ATP2C1: variants seen among roughly 807,000 people sequenced by gnomAD.
ATP2C1 encodes ATPase secretory pathway Ca2+ transporting 1.
Under a neutral mutation model 120.5 loss-of-function variants are expected in ATP2C1, and 31 were observed. That is an observed-to-expected ratio of 0.26 (90% confidence interval 0.19 to 0.35). The LOEUF is 0.35. Ranked by LOEUF, ATP2C1 falls within the 10% of genes least tolerant of loss-of-function variation. ATP2C1 has a pLI of 1.00. For missense variants in ATP2C1, 731 were observed against 1,107.5 expected (o/e 0.66, Z 4.83); for synonymous variants, 351 against 358.7 (o/e 0.98, Z 0.24).
intron 8 of ATP2C1, among the ~76,000 whole-genome samples, chr3:130,945,037 C>G (rs1221956917): frequency 1.3e-5 from 2 of 151,922 alleles, no homozygotes; most frequent in East Asian, 1.9e-4. Context: ...ATTATACTTT[C>G]TTTGAATATT....
At chr3:131,012,456 C>T (rs558846862) in intron 26 of ATP2C1, among the ~76,000 whole-genome samples, 123 of 151,988 alleles carry the variant, frequency 8.1e-4, no homozygotes, top group Non-Finnish European at 1.4e-3. Context: ...CGGGGTTTCA[C>T]CATGTCGGCC....
intron 1 of ATP2C1, among the ~76,000 whole-genome samples, chr3:130,882,283 C>T (rs1017776316): frequency 1.3e-5 from 2 of 151,910 alleles, no homozygotes; most frequent in Non-Finnish European, 2.9e-5. Context: ...CTACAACCTC[C>T]ACCTCCTGGG....
upstream of ATP2C1, among the ~76,000 whole-genome samples, chr3:130,892,370 T>A (rs1444546607): frequency 6.6e-6 from 1 of 152,254 alleles, no homozygotes; most frequent in Admixed American, 6.5e-5. Flanking sequence ...TTACGAGAGA[T>A]CACAATCATT....
chr3:131,016,667 A>T (rs2063644570), exon 27 of ATP2C1: 1 of 349,250 alleles, frequency 2.9e-6, no homozygotes, highest in South Asian at 2.7e-5. Flanking sequence ...GAAAAATACA[A>T]ATGACTATTA....
chr3:130,967,515 TG>T, intron 16 of ATP2C1, 96 bp downstream of exon 16: 1 of 1,048,216 alleles, frequency 9.5e-7, no homozygotes, highest in Non-Finnish European at 1.5e-6. Context: ...TTTTAGGTAT[TG>T]AGTGAAAAAA....
chr3:130,963,770 AT>A, intron 12 of ATP2C1, 200 bp from the exon 13 acceptor site: 1 of 572,916 alleles, frequency 1.7e-6, no homozygotes, highest in Non-Finnish European at 3.0e-6. Context: ...CAGAACCTAC[AT>A]TTTTTAACCA....
At chr3:130,973,487 A>G (rs1377045797) in intron 17 of ATP2C1, among the ~76,000 whole-genome samples, 1 of 152,088 alleles carries the variant, frequency 6.6e-6, no homozygotes, top group Non-Finnish European at 1.5e-5. Flanking sequence ...ATTGAACCTT[A>G]TATATACCGT....
chr3:130,859,652 T>C (rs2067954082), intron 1 of ATP2C1, among the ~76,000 whole-genome samples: 1 of 152,216 alleles, frequency 6.6e-6, no homozygotes, highest in Admixed American at 6.5e-5. Context: ...CCATCCTTCT[T>C]GTCCACAGCA....
chr3:131,010,861 C>T (rs546391189), intron 26 of ATP2C1, among the ~76,000 whole-genome samples: 37 of 152,234 alleles, frequency 2.4e-4, no homozygotes, highest in Non-Finnish European at 5.1e-4. Flanking sequence ...CTGCTTAACA[C>T]TCACTCACTT....
At chr3:130,937,733 A>C (rs960454853) in intron 6 of ATP2C1, among the ~76,000 whole-genome samples, 4 of 152,240 alleles carry the variant, frequency 2.6e-5, no homozygotes, top group African/African-American at 9.6e-5. Context: ...TGGAAACAAA[A>C]AGCATAGTAA....
At chr3:130,895,808 T>C (rs950935844) in intron 2 of ATP2C1, among the ~76,000 whole-genome samples, 3 of 152,232 alleles carry the variant, frequency 2.0e-5, no homozygotes, top group Non-Finnish European at 4.4e-5. Context: ...TGTGTTTTGC[T>C]CTCTGAGACC....
At chr3:130,853,308 G>A (rs564268468) in intron 1 of ATP2C1, among the ~76,000 whole-genome samples, 1 of 152,270 alleles carries the variant, frequency 6.6e-6, no homozygotes, top group African/African-American at 2.4e-5. Flanking sequence ...AGCATCCTAG[G>A]AGCCAACTGA....
At chr3:130,992,836 G>A in intron 20 of ATP2C1, 115 bp from the exon 21 acceptor site, 3 of 809,002 alleles carry the variant, frequency 3.7e-6, no homozygotes, top group Admixed American at 1.9e-5. Flanking sequence ...TGATCTCAGT[G>A]GCAAATTAAA....
At chr3:130,948,876 C>A (rs1437869545) in intron 8 of ATP2C1, among the ~76,000 whole-genome samples, 1 of 152,036 alleles carries the variant, frequency 6.6e-6, no homozygotes, top group Admixed American at 6.6e-5. Flanking sequence ...GATCAGTGAT[C>A]TTTGCTGTTA....
At chr3:130,999,330 T>C (rs1383830211) in intron 26 of ATP2C1, among the ~76,000 whole-genome samples, 188 bp from the exon 27 acceptor site, 2 of 152,204 alleles carry the variant, frequency 1.3e-5, no homozygotes, top group East Asian at 3.8e-4. Context: ...AAAAGCTACT[T>C]TAATATTTAC....
At chr3:130,882,962 T>C (rs1251917212) in intron 1 of ATP2C1, among the ~76,000 whole-genome samples, 1 of 152,240 alleles carries the variant, frequency 6.6e-6, no homozygotes, top group Non-Finnish European at 1.5e-5. Context: ...AATTCAGCAG[T>C]GAAGCCATCA....
intron 2 of ATP2C1, among the ~76,000 whole-genome samples, chr3:130,896,955 G>C (rs188522538): frequency 6.6e-6 from 1 of 152,094 alleles, no homozygotes; most frequent in Non-Finnish European, 1.5e-5. Context: ...CTGTGCTTCC[G>C]TTTCTTCATA....
chr3:130,942,542 G>A (rs2059969627), intron 8 of ATP2C1, among the ~76,000 whole-genome samples: 1 of 152,172 alleles, frequency 6.6e-6, no homozygotes, highest in Admixed American at 6.5e-5. Flanking sequence ...CCAAAAGTAT[G>A]AGTGTTCTCA....
Position 130,998,376 on chromosome 3 carries a change from G to A in ATP2C1, c.2474G>A (p.Ser825Asn). ...TTTTTTGACATGTTCAATGCACTAA[G>A]TTCCAGATCCCAGGTATGTTTAGGT... ...FVFFDMFNALSSRSQTKSVFE... is the reference protein window; with the variant it reads ...FVFFDMFNALNSRSQTKSVFE... Residue 825 changes from serine to asparagine, a missense_variant, in exon 26 of 28, where the codon AGT becomes AAT. Transcript: ENST00000510168. 1 of 1,604,246 alleles carries A rather than the reference G, an allele frequency of 6.2e-7. No homozygotes were observed. The highest frequency in any genetic ancestry group is 8.5e-7 in the Non-Finnish European group (1 of 1,171,020).
Sources: allele counts gnomAD v4.1 joint callset (sites outside exome capture counted in the v4.1 genomes callset), GRCh38; gene constraint gnomAD v4.1.1; transcripts MANE v1.5; gene names NCBI Gene and HGNC (gene_info 2026-07-23, HGNC 2026-07-21).